SPOP: variants seen among roughly 807,000 people sequenced by gnomAD.
The protein encoded by SPOP is speckle-type POZ protein.
Under a neutral mutation model 45.6 loss-of-function variants are expected in SPOP, and 11 were observed. The ratio of observed to expected loss-of-function variants is 0.24; its 90% CI spans 0.15 to 0.40. The LOEUF is 0.40. SPOP is among the 10% of genes least tolerant of loss of function. The pLI is 1.00. For synonymous variants in SPOP, 166 were observed against 166.3 expected (o/e 1.00, Z 0.01); for missense variants, 152 against 465.6 (o/e 0.33, Z 6.20).
At chr17:49,672,033 G>A (rs993091221) in intron 1 of SPOP, among the ~76,000 whole-genome samples, 8 of 152,118 alleles carry the variant, frequency 5.3e-5, no homozygotes, top group South Asian at 4.1e-4. Context: ...CCAGCTAATT[G>A]GAAGGTTGAG....
intron 1 of SPOP, among the ~76,000 whole-genome samples, chr17:49,629,108 G>A (rs2072399422): frequency 6.6e-6 from 1 of 152,136 alleles, no homozygotes; most frequent in African/African-American, 2.4e-5. Context: ...CGTGCGTGGT[G>A]GCACGTGCCT....
In SPOP at chr17:49,600,833, G is replaced by A. The variant is rs558856694; in HGVS notation, c.981-311C>T. The A allele has an allele frequency of 2.5e-4, 68 of 274,222 alleles. No individual in the cohort carries two copies. Among genetic ancestry groups the A allele is most frequent in the African/African-American group, 1.3e-3 (61 of 46,672 alleles). The allele number at this position is 274,222 out of a possible 1,614,324, so 17.0% of individuals were successfully genotyped here. Reference sequence around the variant, plus strand: ...CACCGGTGATGCTAGTCATAAAAAGGAGCATGGGCTCCCTCGGCCAGAAGC... The same window carrying A: ...CACCGGTGATGCTAGTCATAAAAAGAAGCATGGGCTCCCTCGGCCAGAAGC... On this transcript the variant is annotated intron_variant, in intron 9 of 9. Transcript: ENST00000504102. This position sits in a 1 kb window ranked among gnomAD's most constrained non-coding sequence, Gnocchi z 4.2.
chr17:49,613,315 C>T (rs1177271939), intron 5 of SPOP, among the ~76,000 whole-genome samples: 1 of 150,116 alleles, frequency 6.7e-6, no homozygotes, highest in East Asian at 2.0e-4. Flanking sequence ...TTAAATCCAA[C>T]TTTCTCACAG....
chr17:49,656,952 C>A (rs1567798950), intron 1 of SPOP, among the ~76,000 whole-genome samples: 2 of 152,074 alleles, frequency 1.3e-5, no homozygotes, highest in Non-Finnish European at 2.9e-5. Flanking sequence ...GAGGCCGAGG[C>A]AGGCAGATCA....
intron 6 of SPOP, among the ~76,000 whole-genome samples, chr17:49,609,441 T>C (rs958903383): frequency 2.0e-5 from 3 of 151,946 alleles, no homozygotes; most frequent in Non-Finnish European, 2.9e-5. Context: ...CCTCGGTAAA[T>C]AGGCAGCAGC....
intron 1 of SPOP, among the ~76,000 whole-genome samples, chr17:49,650,773 A>G (rs2072833223): frequency 6.6e-6 from 1 of 152,250 alleles, no homozygotes; most frequent in Non-Finnish European, 1.5e-5. Context: ...GAATAAAGTG[A>G]TGGAAGTTCT....
Position 49,668,866 on chromosome 17 carries a change from TC to T in SPOP, c.-67+9066del, listed in dbSNP as rs1396469574. Among the ~76,000 whole-genome samples, 9 of 150,200 alleles carry T rather than the reference TC, an allele frequency of 6.0e-5. No individual in the cohort carries two copies. In the East Asian group the frequency reaches 1.8e-3, roughly 30 times the overall value. Reference sequence around the variant, plus strand: ...ATCTCGGCTCACTGCAAGCTCCACCTCCCAGGTTCCCGCCATTCTCCTGCCT... The same window carrying T: ...ATCTCGGCTCACTGCAAGCTCCACCTCCAGGTTCCCGCCATTCTCCTGCCT... On this transcript the variant is annotated intron_variant, in intron 1 of 9. Transcript: ENST00000504102.
intron 1 of SPOP, among the ~76,000 whole-genome samples, chr17:49,661,699 T>TC (rs1464199614): frequency 6.6e-6 from 1 of 152,200 alleles, no homozygotes; most frequent in Non-Finnish European, 1.5e-5. Context: ...TTAACACTAT[T>TC]CCCTTCCCTT....
chr17:49,634,521 T>A (rs569244167), intron 1 of SPOP, among the ~76,000 whole-genome samples: 2 of 152,160 alleles, frequency 1.3e-5, no homozygotes, highest in Non-Finnish European at 2.9e-5. Flanking sequence ...TTTGACCCAC[T>A]CCCCTCAATG....
chr17:49,676,184 T>C (rs2073196643), intron 1 of SPOP, among the ~76,000 whole-genome samples: 1 of 152,112 alleles, frequency 6.6e-6, no homozygotes, highest in Non-Finnish European at 1.5e-5. Flanking sequence ...CTAGCTACTA[T>C]GAAGAGCTCT....
chr17:49,661,790 A>C (rs778125636), intron 1 of SPOP, among the ~76,000 whole-genome samples: 1 of 151,834 alleles, frequency 6.6e-6, no homozygotes, highest in Non-Finnish European at 1.5e-5. Flanking sequence ...GAGGCAGGCA[A>C]ATCACCTGAA....
At chr17:49,666,772 G>A (rs2073065116) in intron 1 of SPOP, among the ~76,000 whole-genome samples, 1 of 152,112 alleles carries the variant, frequency 6.6e-6, no homozygotes, top group African/African-American at 2.4e-5. Flanking sequence ...AGGTGGCAGT[G>A]AGCCAAGATC....
intron 1 of SPOP, among the ~76,000 whole-genome samples, chr17:49,676,253 G>T (rs757215337): frequency 6.6e-6 from 1 of 152,022 alleles, no homozygotes; most frequent in Admixed American, 6.6e-5. Flanking sequence ...CTAAGGGTGG[G>T]GTAGTCTTAC....
At chr17:49,669,345 G>A (rs1485737913) in intron 1 of SPOP, among the ~76,000 whole-genome samples, 1 of 150,426 alleles carries the variant, frequency 6.6e-6, no homozygotes, top group East Asian at 2.0e-4. Context: ...GGGATTACAG[G>A]CGTGAGCCAC....
chr17:49,607,277 A>G lies in SPOP; in HGVS notation c.810T>C (p.Ala270=), dbSNP rs776546524. 1.2e-6 allele frequency: 2 copies of G among 1,614,144 alleles called. No homozygotes were observed. Among genetic ancestry groups the G allele is most frequent in the Non-Finnish European group, 8.5e-7 (1 of 1,180,002 alleles). The change falls in exon 8 of 10, where the codon GCT becomes GCC. Residue 270 remains alanine (A), a synonymous_variant. Transcript: ENST00000504102. Reference sequence around the variant, plus strand: ...TGTCAGCAGCTGCCAGCAAATCATCAGCCATTTTGTCGAGGTTTGGAGCCT... The same window carrying G: ...TGTCAGCAGCTGCCAGCAAATCATCGGCCATTTTGTCGAGGTTTGGAGCCT... The part of the protein sequence containing the change: ...TGKAPNLDKM[A]DDLLAAADKY...
chr17:49,622,980 T>A, intron 1 of SPOP, 104 bp from the exon 2 acceptor site: 1 of 597,908 alleles, frequency 1.7e-6, no homozygotes. Context: ...CCACATTGTT[T>A]GAGTGGCTCC....
intron 1 of SPOP, among the ~76,000 whole-genome samples, chr17:49,659,784 A>G (rs1185834470): frequency 2.6e-5 from 4 of 152,162 alleles, no homozygotes; most frequent in Admixed American, 2.0e-4. Context: ...CAAATTTAAC[A>G]TGTCTAAAAT....
intron 1 of SPOP, among the ~76,000 whole-genome samples, chr17:49,677,654 G>C (rs374593044): frequency 1.1e-4 from 16 of 151,654 alleles, no homozygotes; most frequent in South Asian, 8.3e-4. Context: ...CGACAGCTCA[G>C]TATTTGGCAA....
chr17:49,604,689 T>G (rs1453626768), intron 8 of SPOP, among the ~76,000 whole-genome samples: 1 of 152,160 alleles, frequency 6.6e-6, no homozygotes, highest in African/African-American at 2.4e-5. Flanking sequence ...CAACTCTACT[T>G]GTCCGCCAAC....
Sources: gnomAD v4.1 joint callset for allele counts (sites outside exome capture counted in the v4.1 genomes callset) on GRCh38, gnomAD v4.1.1 for gene constraint, Gnocchi (gnomAD v3.1) non-coding constraint, MANE v1.5 for transcripts, NCBI Gene and HGNC (gene_info 2026-07-23, HGNC 2026-07-21) for gene names.